The following TNFRSF1A variants were observed in gnomAD, a reference collection of about 807,000 sequenced individuals.
TNFRSF1A encodes tumor necrosis factor receptor superfamily member 1A.
A neutral mutation model predicts 41.6 loss-of-function variants in TNFRSF1A; 9 were observed. The observed-to-expected ratio is 0.22, with a 90% CI of 0.13 to 0.38. The LOEUF (loss-of-function observed/expected upper bound fraction) is 0.38. TNFRSF1A is among the 10% of genes least tolerant of loss of function. The pLI, the probability that TNFRSF1A is intolerant of heterozygous loss-of-function variation, is 1.00. For missense variants in TNFRSF1A, 463 were observed against 591.5 expected (o/e 0.78, Z 2.25); for synonymous variants, 254 against 248.6 (o/e 1.02, Z -0.21).
At chr12:6,330,212 CA>C in intron 8 of TNFRSF1A, 54 bp downstream of exon 8, 1 of 1,613,758 alleles carries the variant, frequency 6.2e-7, no homozygotes, top group Non-Finnish European at 8.5e-7. Flanking sequence ...GAGCATTAGG[CA>C]ATTATAAGGA....
intron 1 of TNFRSF1A, among the ~76,000 whole-genome samples, chr12:6,340,771 A>G (rs532419865): frequency 6.6e-6 from 1 of 152,316 alleles, no homozygotes; most frequent in Admixed American, 6.5e-5. Flanking sequence ...CGGGCAGGGC[A>G]GGGAAAATCT....
chr12:6,329,992 G>C lies in TNFRSF1A; in HGVS notation c.843C>G (p.Pro281=), dbSNP rs763929217. 1.3e-6 allele frequency: 2 copies of C among 1,599,208 alleles called. No homozygotes were observed. Among genetic ancestry groups the C allele is most frequent in the Non-Finnish European group, 1.7e-6 (2 of 1,171,678 alleles). Residue 281 remains proline (P), a synonymous_variant, in exon 9 of 10, where the codon CCC becomes CCG. Coordinates refer to ENST00000162749, the MANE Select transcript of TNFRSF1A (RefSeq NM_001065.4). ...PSFSPTPGFT[P]TLGFSPVPSS... ...TGGGCACGGGACTGAAGCCCAGGGTGGGGGTGAAGCCTGGAGTGGGACTGA... is the reference window on the plus strand; with the variant it reads ...TGGGCACGGGACTGAAGCCCAGGGTCGGGGTGAAGCCTGGAGTGGGACTGA...
Position 6,329,040 on chromosome 12 carries a change from C to T in TNFRSF1A, c.*272G>A. On this transcript the variant is annotated 3_prime_UTR_variant, in exon 10 of 10. Transcript: ENST00000162749. ...CCGAGCAGCCTTGCTGGTGAGGACA[C>T]CCAAAACGGGCATGAGGCATAGCGT... The T allele has an allele frequency of 2.5e-6, 1 of 396,738 alleles. No homozygotes were observed. The highest frequency in any genetic ancestry group is 4.4e-6 in the Non-Finnish European group (1 of 225,626). 24.6% of individuals were successfully genotyped at this position (396,738 alleles called of 1,614,324 possible). A position where few individuals can be genotyped will look rare whatever the true frequency, so the allele number is the denominator to read the frequency against.
At position 6,328,950 on chromosome 12, in the gene TNFRSF1A, CAAAACAA is replaced by C. The variant is rs978542194; in HGVS notation, c.*355_*361del. 5 of 279,252 alleles carry C rather than the reference CAAAACAA, an allele frequency of 1.8e-5. No homozygotes were observed. In the Admixed American group the frequency reaches 2.7e-4, roughly 15 times the overall value. 17.3% of individuals were successfully genotyped at this position (279,252 alleles called of 1,614,324 possible). ...TGATTGATTTAAAAACAAAACAAAACAAAACAAAAACAAAAAAAACTGCTTATGCACT... is the reference window on the plus strand; with the variant it reads ...TGATTGATTTAAAAACAAAACAAAACAAACAAAAAAAACTGCTTATGCACT... On this transcript the variant is annotated 3_prime_UTR_variant, in exon 10 of 10. Coordinates refer to ENST00000162749, the MANE Select transcript of TNFRSF1A (RefSeq NM_001065.4).
intron 5 of TNFRSF1A, chr12:6,332,053 T>C: frequency 3.6e-6 from 1 of 278,628 alleles, no homozygotes; most frequent in Non-Finnish European, 6.9e-6. Flanking sequence ...AATAGTTTTG[T>C]GTCAGACGTG....
chr12:6,334,182 T>C lies in TNFRSF1A; in HGVS notation c.102A>G (p.Leu34=), dbSNP rs1207084993. The C allele has an allele frequency of 6.2e-7, 1 of 1,613,682 alleles. No homozygotes were observed. Among genetic ancestry groups the C allele is most frequent in the Non-Finnish European group, 8.5e-7 (1 of 1,179,606 alleles). The change falls in exon 2 of 10, where the codon CTA becomes CTG. Residue 34 remains leucine (L), a synonymous_variant. Coordinates refer to ENST00000162749, the MANE Select transcript of TNFRSF1A (RefSeq NM_001065.4). The surrounding 1 kb of genome is among the most constrained non-coding windows in gnomAD (Gnocchi z 5.1). ...PSGVIGLVPH[L]GDREKRDSVC... ...CACTATCTCTCTTCTCCCTGTCCCC[T>C]AGGTGAGGGACCAGTCCAATAACCC...
rs200140274 is a variant in TNFRSF1A, at chr12:6,334,159, C to G, written c.125G>C (p.Ser42Thr). 6.2e-7 allele frequency: 1 copy of G among 1,614,048 alleles called. No individual in the cohort carries two copies. The highest frequency in any genetic ancestry group is 1.3e-5 in the African/African-American group (1 of 74,902). ...PHLGDREKRD[S>T]VCPQGKYIHP... ...GATATATTTTCCTTGGGGACACACA[C>G]TATCTCTCTTCTCCCTGTCCCCTAG... Residue 42 changes from serine (S) to threonine (T), a missense_variant, in exon 2 of 10, where the codon AGT (serine) becomes ACT (threonine). Physicochemically the swap from Ser to Thr is moderately conservative, Grantham distance 58. This residue lies in a region of TNFRSF1A where 0 missense variants were observed against 16.8 expected (regional missense o/e 0.00). Transcript: ENST00000162749. This position sits in a 1 kb window ranked among gnomAD's most constrained non-coding sequence, Gnocchi z 5.1.
rs772756388 is a variant in TNFRSF1A at position 6,333,483 on chromosome 12, A to G, written c.356T>C (p.Val119Ala). The change falls in exon 4 of 10, where the codon GTG becomes GCG. Residue 119 changes from valine to alanine, a missense_variant. This residue lies in a region of TNFRSF1A where 149 missense variants were observed against 239.4 expected (regional missense o/e 0.62). Coordinates refer to ENST00000162749, the MANE Select transcript of TNFRSF1A (RefSeq NM_001065.4). This position sits in a 1 kb window ranked among gnomAD's most constrained non-coding sequence, Gnocchi z 6.3. ...GCAGCCACACACGGTGTCCCGGTCC[A>G]CTGTGCAAGAAGAGATCTCCACCTG... ...MGQVEISSCT[V>A]DRDTVCGCRK... 2 of 1,614,056 alleles carry G rather than the reference A, an allele frequency of 1.2e-6. No homozygotes were observed.
At chr12:6,340,923 C>T (rs1290816106) in intron 1 of TNFRSF1A, among the ~76,000 whole-genome samples, 1 of 152,202 alleles carries the variant, frequency 6.6e-6, no homozygotes, top group Non-Finnish European at 1.5e-5. Context: ...CTACCAACTT[C>T]CCCAAACTGA....
In TNFRSF1A at chr12:6,332,448, AAAAAAAAC is replaced by A. The variant is rs1165560824; in HGVS notation, c.551+613_551+620del. ...AACCCTGTCTCAAAAAAAAAAAAAA[AAAAAAAAC>A]ACCAAAAGAAAAGTCAGGCTCAGAG... On this transcript the variant is annotated intron_variant, in intron 5 of 9. Transcript: ENST00000162749. Among the ~76,000 whole-genome samples, 167 of 151,264 alleles carry A rather than the reference AAAAAAAAC, an allele frequency of 1.1e-3. 3 individuals are homozygous for A. Among genetic ancestry groups the A allele is most frequent in the Non-Finnish European group, 1.9e-3 (126 of 67,750 alleles).
chr12:6,329,150 G>T lies in TNFRSF1A; in HGVS notation c.*162C>A. ...GCGCACAGCGCTGACTGTCGGCGGC[G>T]CGCAGGCAGCTGAGAAAAGCTATGT... On this transcript the variant is annotated 3_prime_UTR_variant, in exon 10 of 10. Coordinates refer to ENST00000162749, the MANE Select transcript of TNFRSF1A (RefSeq NM_001065.4). The T allele has an allele frequency of 1.6e-6, 1 of 644,126 alleles. No homozygotes were observed. Among genetic ancestry groups the T allele is most frequent in the Non-Finnish European group, 2.3e-6 (1 of 425,852 alleles). The allele number at this position is 644,126 out of a possible 1,614,324, so 39.9% of individuals were successfully genotyped here.
At chr12:6,329,652 G>A (rs374191972) in intron 9 of TNFRSF1A, 30 bp from the exon 10 acceptor site, 2 of 1,580,336 alleles carry the variant, frequency 1.3e-6, no homozygotes, top group Non-Finnish European at 1.7e-6. Flanking sequence ...TGAGCCTCGG[G>A]CGGCAACCCC....
Position 6,341,642 on chromosome 12 carries a change from G to T in TNFRSF1A, c.39+134C>A. ...CCCACACTGGCAGTGGCTGAGGTTA[G>T]GACCTGCAGGCCTGAGGCTGGCGCC... is the stretch of plus-strand genomic sequence containing the variant. On this transcript the variant is annotated intron_variant, in intron 1 of 9. Transcript: ENST00000162749. The surrounding 1 kb of genome is among the most constrained non-coding windows in gnomAD (Gnocchi z 4.6). 1 of 1,001,060 alleles carries T rather than the reference G, an allele frequency of 1.0e-6. No homozygotes were observed. Among genetic ancestry groups the T allele is most frequent in the Non-Finnish European group, 1.5e-6 (1 of 653,088 alleles). 62.0% of individuals were successfully genotyped at this position (1,001,060 alleles called of 1,614,324 possible).
chr12:6,330,099 G>C (rs200684446), intron 8 of TNFRSF1A, 33 bp from the exon 9 acceptor site: 7 of 1,612,484 alleles, frequency 4.3e-6, no homozygotes, highest in East Asian at 2.2e-5. Context: ...GCATTAGTGC[G>C]GCAGCGAAAA....
chr12:6,336,489 T>C (rs1054229882), intron 1 of TNFRSF1A, among the ~76,000 whole-genome samples: 2 of 152,104 alleles, frequency 1.3e-5, no homozygotes, highest in Non-Finnish European at 2.9e-5. Context: ...CTTCTTCCTA[T>C]GGCCAAGTCC....
intron 1 of TNFRSF1A, among the ~76,000 whole-genome samples, chr12:6,335,773 G>A (rs565758253): frequency 2.6e-5 from 4 of 152,256 alleles, no homozygotes; most frequent in Admixed American, 1.3e-4. Context: ...TCCACATTTC[G>A]GAGCAGGAGG....
chr12:6,336,093 C>A (rs1478226431), intron 1 of TNFRSF1A, among the ~76,000 whole-genome samples: 3 of 152,174 alleles, frequency 2.0e-5, no homozygotes, highest in Non-Finnish European at 2.9e-5. Flanking sequence ...ACTGGAGCAC[C>A]TAAGGTCACT....
rs1948138739 is a variant in TNFRSF1A, at chr12:6,337,709, T to C, written c.40-3465A>G. ...TCTACTTTTGGCTCTTATCATAATA[T>C]GGTTATGTTGGGTGACAGATATGAT... On this transcript the variant is annotated intron_variant, in intron 1 of 9. Coordinates refer to ENST00000162749, the MANE Select transcript of TNFRSF1A (RefSeq NM_001065.4). The surrounding 1 kb of genome is among the most constrained non-coding windows in gnomAD (Gnocchi z 4.6). 6.6e-6 allele frequency among the ~76,000 whole-genome samples: 1 copy of C among 152,160 alleles called. No homozygotes were observed. The highest frequency in any genetic ancestry group is 1.5e-5 in the Non-Finnish European group (1 of 68,032).
Position 6,334,809 on chromosome 12 carries a change from T to G in TNFRSF1A, c.40-565A>C, listed in dbSNP as rs1378675936. Among the ~76,000 whole-genome samples, 9 of 152,218 alleles carry G rather than the reference T, an allele frequency of 5.9e-5. No homozygotes were observed. Among genetic ancestry groups the G allele is most frequent in the Admixed American group, 4.6e-4 (7 of 15,282 alleles). On this transcript the variant is annotated intron_variant, in intron 1 of 9. Transcript: ENST00000162749. The surrounding 1 kb of genome is among the most constrained non-coding windows in gnomAD (Gnocchi z 5.1). ...GCCCAGCCCTGTATTTTATCCTTAC[T>G]GTGAAATCCCCCACAGCAGCTAACA...
Sources: gnomAD v4.1 joint callset for allele counts (sites outside exome capture counted in the v4.1 genomes callset) on GRCh38, gnomAD v4.1.1 for gene constraint, gnomAD v4.1.1 regional missense constraint, Gnocchi (gnomAD v3.1) non-coding constraint, MANE v1.5 for transcripts, NCBI Gene and HGNC (gene_info 2026-07-23, HGNC 2026-07-21) for gene names.